Variants in METTL25 observed in about 807,000 individuals in gnomAD.
METTL25 encodes probable methyltransferase-like protein 25.
Under a neutral mutation model 71.6 loss-of-function variants are expected in METTL25, and 64 were observed. The observed-to-expected ratio is 0.89, with a 90% CI of 0.73 to 1.10. The LOEUF is 1.10. Ranked by LOEUF, METTL25 falls within the 50% of genes least tolerant of loss-of-function variation. METTL25 has a pLI of 0.00. For missense variants in METTL25, 807 were observed against 707.0 expected, an observed-to-expected ratio of 1.14 and a Z score of -1.60; for synonymous variants, 287 against 250.3, an observed-to-expected ratio of 1.15 and a Z score of -1.38.
At chr12:82,429,789 TGTTGA>T (rs1449197689) in intron 5 of METTL25, among the ~76,000 whole-genome samples, 2 of 151,622 alleles carry the variant, frequency 1.3e-5, no homozygotes, top group African/African-American at 4.8e-5. Flanking sequence ...GTTGTTTTGC[TGTTGA>T]GTTGTTTATT....
At chr12:82,452,407 G>A (rs1398093106) in intron 8 of METTL25, among the ~76,000 whole-genome samples, 2 of 152,188 alleles carry the variant, frequency 1.3e-5, no homozygotes, top group South Asian at 4.1e-4. Context: ...GAAGGCTGAA[G>A]CAGGAGAATC....
intron 8 of METTL25, among the ~76,000 whole-genome samples, chr12:82,440,935 C>T (rs192143540): frequency 1.3e-5 from 2 of 152,080 alleles, no homozygotes; most frequent in East Asian, 3.9e-4. Context: ...TGCACTTTCC[C>T]CAGCAGGATC....
intron 5 of METTL25, among the ~76,000 whole-genome samples, chr12:82,412,588 C>T (rs1184214289): frequency 2.0e-5 from 3 of 152,052 alleles, no homozygotes; most frequent in East Asian, 1.9e-4. Flanking sequence ...TGTAAAACAT[C>T]GCTATATAAA....
At chr12:82,437,560 G>T (rs184733090) in intron 7 of METTL25, among the ~76,000 whole-genome samples, 3 of 151,764 alleles carry the variant, frequency 2.0e-5, no homozygotes, top group African/African-American at 7.2e-5. Flanking sequence ...GAGAGGGGCA[G>T]TAGAGTAGGT....
At chr12:82,418,367 G>T (rs1439947490) in intron 5 of METTL25, among the ~76,000 whole-genome samples, 2 of 152,160 alleles carry the variant, frequency 1.3e-5, no homozygotes, top group East Asian at 3.9e-4. Context: ...CAAACATAAA[G>T]GTGTAGTACT....
chr12:82,448,995 A>G (rs553998147), intron 8 of METTL25, among the ~76,000 whole-genome samples: 9 of 152,130 alleles, frequency 5.9e-5, no homozygotes, highest in Non-Finnish European at 1.3e-4. Flanking sequence ...ACCTTTCTCT[A>G]AAATCTCCCT....
In METTL25 at chr12:82,471,513, A is replaced by C. The variant is rs529124832; in HGVS notation, c.1573-5131A>C. On this transcript the variant is annotated intron_variant, in intron 9 of 11. Coordinates refer to ENST00000248306, the MANE Select transcript of METTL25 (RefSeq NM_032230.3). ...ACAGTGACTAGTAGCATTCTGTGAA[A>C]CAGAATATATAGAGACTTAGGGTAC... Among the ~76,000 whole-genome samples the C allele has an allele frequency of 5.1e-4, 78 of 152,370 alleles. 1 individual carries two copies. Among genetic ancestry groups the C allele is most frequent in the African/African-American group, 1.7e-3 (71 of 41,594 alleles).
At chr12:82,474,284 G>A (rs1892751842) in intron 9 of METTL25, among the ~76,000 whole-genome samples, 2 of 152,282 alleles carry the variant, frequency 1.3e-5, no homozygotes, top group Non-Finnish European at 2.9e-5. Context: ...GAGTTACAGA[G>A]GCTAGGTGTC....
At chr12:82,424,823 C>T (rs1888867170) in intron 5 of METTL25, among the ~76,000 whole-genome samples, 1 of 151,826 alleles carries the variant, frequency 6.6e-6, no homozygotes, top group Non-Finnish European at 1.5e-5. Flanking sequence ...AGAAAACTGC[C>T]ATGTGAAGAC....
Position 82,386,828 on chromosome 12 carries a change from T to C in METTL25, c.285T>C (p.Phe95=), listed in dbSNP as rs777754162. The change falls in exon 2 of 12, where the codon TTT becomes TTC. Residue 95 remains phenylalanine (F), a synonymous_variant. Coordinates refer to ENST00000248306, the MANE Select transcript of METTL25 (RefSeq NM_032230.3). ...EAGMTDFPKI[F]CETSQKLVSV... is the part of the protein sequence containing the mutation. ...GTATGACTGATTTTCCCAAAATATT[T>C]TGTGAAACTTCTCAGAAGTTGGTGA... The C allele has an allele frequency of 1.2e-6, 2 of 1,613,184 alleles. No homozygotes were observed. The highest frequency in any genetic ancestry group is 1.7e-6 in the Non-Finnish European group (2 of 1,179,488).
At chr12:82,384,614 T>TA (rs202007434) in intron 1 of METTL25, among the ~76,000 whole-genome samples, 57 of 151,086 alleles carry the variant, frequency 3.8e-4, no homozygotes, top group African/African-American at 1.4e-3. Context: ...CTACCCTTTT[T>TA]TAAAAAAAAA....
intron 5 of METTL25, among the ~76,000 whole-genome samples, chr12:82,423,654 G>T (rs914045025): frequency 6.6e-6 from 1 of 152,036 alleles, no homozygotes; most frequent in Admixed American, 6.6e-5. Flanking sequence ...CTGACAAAGG[G>T]CTAATATCCA....
intron 5 of METTL25, chr12:82,407,699 G>A (rs1322589522): frequency 4.8e-5 from 20 of 415,152 alleles, no homozygotes; most frequent in Non-Finnish European, 6.1e-5. Context: ...CGTATGCAAC[G>A]TGAGTACCCT....
chr12:82,420,886 C>T (rs1888418973), intron 5 of METTL25, among the ~76,000 whole-genome samples: 1 of 151,398 alleles, frequency 6.6e-6, no homozygotes, highest in East Asian at 1.9e-4. Context: ...GGTGGAGTCT[C>T]GTTCTGTCAC....
chr12:82,410,071 C>T (rs1030616859), intron 5 of METTL25, among the ~76,000 whole-genome samples: 2 of 152,024 alleles, frequency 1.3e-5, no homozygotes, highest in Admixed American at 6.6e-5. Context: ...TTTAGAGGTA[C>T]TTCATCTGAA....
Position 82,387,724 on chromosome 12 carries a change from C to CACAA in METTL25, c.424+760_424+761insAACA, listed in dbSNP as rs994395803. Among the ~76,000 whole-genome samples, 3 of 151,728 alleles carry CACAA rather than the reference C, an allele frequency of 2.0e-5. No individual in the cohort carries two copies. The East Asian group carries it at 5.8e-4, about 29-fold the overall frequency. ...TTCTACACACACACGCGCACACACA[C>CACAA]ACACACACTCTTTTTCTGAATCTTT... is the stretch of plus-strand genomic sequence containing the variant. On this transcript the variant is annotated intron_variant, in intron 2 of 11. Coordinates refer to ENST00000248306, the MANE Select transcript of METTL25 (RefSeq NM_032230.3).
At position 82,463,204 on chromosome 12, in the gene METTL25, A is replaced by G. The variant is rs1006960228; in HGVS notation, c.1572+6384A>G. On this transcript the variant is annotated intron_variant, in intron 9 of 11. Transcript: ENST00000248306. The stretch of plus-strand genomic sequence containing the variant: ...TCTAGCCATAATTTTATATTCTTTA[A>G]CAAATCACTGTCTATAATGCACTTC... 2.6e-5 allele frequency among the ~76,000 whole-genome samples: 4 copies of G among 151,984 alleles called. No homozygotes were observed. The East Asian group carries it at 7.7e-4, about 29-fold the overall frequency.
At chr12:82,410,838 A>G (rs747720232) in intron 5 of METTL25, among the ~76,000 whole-genome samples, 152 of 152,200 alleles carry the variant, frequency 1.0e-3, no homozygotes, top group Non-Finnish European at 1.5e-3. Flanking sequence ...TGAAATGTCC[A>G]TACTAAGCCA....
intron 7 of METTL25, among the ~76,000 whole-genome samples, chr12:82,437,505 T>G (rs1000321028): frequency 1.3e-5 from 2 of 151,630 alleles, no homozygotes; most frequent in Non-Finnish European, 3.0e-5. Context: ...CTTTTAGTTT[T>G]TGTAGTCTCA....
Sources: gnomAD v4.1 joint callset for allele counts (sites outside exome capture counted in the v4.1 genomes callset) on GRCh38, gnomAD v4.1.1 for gene constraint, MANE v1.5 for transcripts, NCBI Gene and HGNC (gene_info 2026-07-23, HGNC 2026-07-21) for gene names.